Variants in TTC34 observed in about 807,000 individuals in gnomAD.
TTC34 encodes the protein tetratricopeptide repeat domain 34.
A neutral mutation model predicts 40.7 loss-of-function variants in TTC34; 44 were observed. The ratio of observed to expected loss-of-function variants is 1.08; its 90% confidence interval spans 0.85 to 1.39. TTC34 has a LOEUF of 1.39. Ranked by LOEUF, TTC34 falls within the 40% of genes most tolerant of loss-of-function variation. TTC34 has a pLI of 0.00. For synonymous variants in TTC34, 422 were observed against 398.6 expected, an observed-to-expected ratio of 1.06 and a Z score of -0.70; for missense variants, 884 against 838.0, an observed-to-expected ratio of 1.05 and a Z score of -0.68.
At chr1:2,798,820 AGCCCACC>A (rs2100637823) in intron 2 of TTC34, among the ~76,000 whole-genome samples, 6 of 94,618 alleles carry the variant, frequency 6.3e-5, no homozygotes, top group African/African-American at 3.0e-4. Flanking sequence ...CAAGCCTCCC[AGCCCACC>A]AGCCTCCCAG....
At chr1:2,751,160 A>G (rs1641306133) in intron 6 of TTC34, among the ~76,000 whole-genome samples, 1 of 105,424 alleles carries the variant, frequency 9.5e-6, no homozygotes, top group Admixed American at 1.0e-4. Context: ...CTGGAGCAGC[A>G]CGCACATCCC....
chr1:2,699,581 T>C (rs1037201468), intron 6 of TTC34, among the ~76,000 whole-genome samples: 15 of 97,790 alleles, frequency 1.5e-4, no homozygotes, highest in East Asian at 6.6e-4. Flanking sequence ...CACCCCCAGG[T>C]GAGCATCTGA....
chr1:2,683,772 C>T (rs1241924694), intron 6 of TTC34, among the ~76,000 whole-genome samples: 2 of 147,312 alleles, frequency 1.4e-5, no homozygotes, highest in Admixed American at 1.4e-4. Context: ...GAGCATCTGA[C>T]AGGCTGGAGC....
At chr1:2,657,374 C>A (rs550896119) in intron 6 of TTC34, among the ~76,000 whole-genome samples, 1 of 95,422 alleles carries the variant, frequency 1.0e-5, no homozygotes, top group Non-Finnish European at 2.8e-5. Context: ...TGGAGCAGCA[C>A]CCACACCCCG....
chr1:2,777,459 G>T (rs1025693939), intron 6 of TTC34, among the ~76,000 whole-genome samples: 1 of 150,496 alleles, frequency 6.6e-6, no homozygotes, highest in Non-Finnish European at 1.5e-5. Flanking sequence ...CCTGCCCCCC[G>T]GTTAGTGTCT....
chr1:2,677,602 ACGCTGCCCC>A (rs1639955668), intron 6 of TTC34, among the ~76,000 whole-genome samples: 1 of 34,410 alleles, frequency 2.9e-5, no homozygotes, highest in Non-Finnish European at 5.7e-5. Flanking sequence ...CTGGAACAGC[ACGCTGCCCC>A]CCCAGGTGAG....
chr1:2,640,210 C>G (rs774048934), exon 9 of TTC34: 1 of 152,228 alleles, frequency 6.6e-6, no homozygotes, highest in African/African-American at 2.4e-5. Context: ...CGTTTTGCAC[C>G]GAGTCAGCTC....
At chr1:2,793,163 C>A (rs1643681140) in intron 2 of TTC34, among the ~76,000 whole-genome samples, 1 of 152,164 alleles carries the variant, frequency 6.6e-6, no homozygotes, top group Admixed American at 6.5e-5. Context: ...TTCCTGATGA[C>A]TAGTGAGGTT....
chr1:2,691,587 A>C (rs1463667942), intron 6 of TTC34, among the ~76,000 whole-genome samples: 140 of 103,142 alleles, frequency 1.4e-3, no homozygotes, highest in East Asian at 2.5e-3. Context: ...CCACATGCCC[A>C]GGTGAGACCC....
At chr1:2,799,776 C>T (rs548310023) in intron 2 of TTC34, among the ~76,000 whole-genome samples, 1 of 152,292 alleles carries the variant, frequency 6.6e-6, no homozygotes, top group Non-Finnish European at 1.5e-5. Context: ...CTGCCTGGAA[C>T]CCTCACTCTC....
chr1:2,773,183 G>A (rs1437741212), intron 6 of TTC34, among the ~76,000 whole-genome samples: 12 of 136,936 alleles, frequency 8.8e-5, no homozygotes, highest in Non-Finnish European at 9.6e-5. Flanking sequence ...CACACCCCCA[G>A]GTGAGCATGT....
intron 6 of TTC34, among the ~76,000 whole-genome samples, chr1:2,748,898 A>T (rs1641229638): frequency 1.8e-4 from 22 of 121,724 alleles, no homozygotes; most frequent in Admixed American, 1.2e-3. Flanking sequence ...TGAGCATCTG[A>T]CAGCCTGGAA....
At chr1:2,682,712 C>CG (rs1203466488) in intron 6 of TTC34, among the ~76,000 whole-genome samples, 109 of 135,796 alleles carry the variant, frequency 8.0e-4, no homozygotes, top group Non-Finnish European at 1.4e-3. Flanking sequence ...CCCACACACC[C>CG]AGGTGAGCAA....
At chr1:2,777,459 G>A (rs1025693939) in intron 6 of TTC34, among the ~76,000 whole-genome samples, 7 of 150,496 alleles carry the variant, frequency 4.7e-5, no homozygotes, top group African/African-American at 1.7e-4. Flanking sequence ...CCTGCCCCCC[G>A]GTTAGTGTCT....
chr1:2,644,176 A>C, intron 8 of TTC34, 88 bp downstream of exon 8: 14 of 1,331,318 alleles, frequency 1.1e-5, no homozygotes, highest in Non-Finnish European at 1.4e-5. Flanking sequence ...GAGAGTGAAG[A>C]AAGGCTGCCC....
intron 8 of TTC34, among the ~76,000 whole-genome samples, chr1:2,642,413 C>T (rs2100985614): frequency 6.6e-6 from 1 of 152,294 alleles, no homozygotes. Flanking sequence ...TGCTCCAGGC[C>T]TCTGAGCACG....
intron 6 of TTC34, among the ~76,000 whole-genome samples, chr1:2,752,889 C>A (rs1641371348): frequency 6.6e-6 from 1 of 151,574 alleles, no homozygotes; most frequent in African/African-American, 2.4e-5. Flanking sequence ...GGAACGGCAC[C>A]CACACCCCCA....
intron 6 of TTC34, among the ~76,000 whole-genome samples, chr1:2,698,756 C>T (rs1365233286): frequency 2.8e-5 from 4 of 144,112 alleles, no homozygotes; most frequent in African/African-American, 2.6e-5. Flanking sequence ...CAGCCTGGAG[C>T]AGGACCCACA....
intron 6 of TTC34, among the ~76,000 whole-genome samples, chr1:2,752,409 A>ATG (rs2100434837): frequency 7.3e-6 from 1 of 136,514 alleles, no homozygotes. Flanking sequence ...CAGCACCCAC[A>ATG]CACCCAGGTG....
Sources: allele counts gnomAD v4.1 joint callset (sites outside exome capture counted in the v4.1 genomes callset), GRCh38; gene constraint gnomAD v4.1.1; transcripts MANE v1.5; gene names NCBI Gene and HGNC (gene_info 2026-07-23, HGNC 2026-07-21).